The following ANGPTL6 variants were observed in gnomAD, a reference collection of about 807,000 sequenced individuals.
ANGPTL6 encodes the protein angiopoietin like 6.
In ANGPTL6, 45 loss-of-function variants were observed where a neutral mutation model predicts 47.4. That is an observed-to-expected ratio of 0.95 (90% CI 0.75 to 1.22). ANGPTL6 has a LOEUF of 1.22. ANGPTL6 is among the 50% of genes most tolerant of loss of function. The pLI is 0.00. For missense variants in ANGPTL6, 698 were observed against 669.4 expected, an observed-to-expected ratio of 1.04 and a Z score of -0.47; for synonymous variants, 290 against 295.9, an observed-to-expected ratio of 0.98 and a Z score of 0.20.
At chr19:10,096,704 C>G in intron 1 of ANGPTL6, 131 bp from the exon 2 acceptor site, 1 of 681,546 alleles carries the variant, frequency 1.5e-6, no homozygotes. Flanking sequence ...CCATCTCATT[C>G]CCCCCACGGC....
rs76783850 is a variant in ANGPTL6 at position 10,093,467 on chromosome 19, G to A, written c.1104C>T (p.Pro368=). ...RAHYDGFSLE[P]ESDHYRLRLG... ...GCCGCAGGCGGTAGTGGTCGCTCTC[G>A]GGTTCCAGGGAGAAGCCATCATAGT... Residue 368 remains proline, a synonymous_variant, in exon 5 of 6, where the codon CCC becomes CCT. Coordinates refer to ENST00000253109, the MANE Select transcript of ANGPTL6 (RefSeq NM_031917.3). 9.0e-3 allele frequency: 14,513 copies of A among 1,614,224 alleles called. 91 individuals carry two copies. The highest frequency in any genetic ancestry group is 0.011 in the Non-Finnish European group (13,039 of 1,180,044).
chr19:10,092,797 G>C lies in ANGPTL6; in HGVS notation c.1223-18C>G. On this transcript the variant is annotated intron_variant, in intron 5 of 5. Transcript: ENST00000253109. ...ACAGTTACCTGAGGGGAGAGAGAGAGTCCATGTCCTCTCACCAGAATAAAA... is the reference window on the plus strand; with the variant it reads ...ACAGTTACCTGAGGGGAGAGAGAGACTCCATGTCCTCTCACCAGAATAAAA... 6.4e-7 allele frequency: 1 copy of C among 1,572,000 alleles called. No homozygotes were observed. The highest frequency in any genetic ancestry group is 8.7e-7 in the Non-Finnish European group (1 of 1,152,606).
chr19:10,101,030 G>A lies in ANGPTL6; in HGVS notation c.-11+1538C>T, dbSNP rs550693396. On this transcript the variant is annotated intron_variant, in intron 1 of 5. Transcript: ENST00000253109. ...TTGAGACCAGCTTGGCTAACGTGGC[G>A]AAACCCTGTCTCTACTGAAAATACA... Among the ~76,000 whole-genome samples the A allele has an allele frequency of 5.9e-5, 9 of 152,120 alleles. 1 individual carries two copies. In the South Asian group the frequency reaches 1.9e-3, roughly 32 times the overall value.
At chr19:10,098,840 C>G (rs1017325247) in intron 1 of ANGPTL6, among the ~76,000 whole-genome samples, 3 of 151,664 alleles carry the variant, frequency 2.0e-5, no homozygotes, top group Non-Finnish European at 2.9e-5. Context: ...AAAAAAATAG[C>G]AAAGGGAGCA....
chr19:10,098,306 C>T (rs564516886), intron 1 of ANGPTL6, among the ~76,000 whole-genome samples: 1 of 152,094 alleles, frequency 6.6e-6, no homozygotes, highest in African/African-American at 2.4e-5. Flanking sequence ...GAGCTATGAT[C>T]GCAGCATTGC....
chr19:10,095,998 G>A lies in ANGPTL6; in HGVS notation c.566C>T (p.Ala189Val), dbSNP rs745694775. 5 of 1,342,102 alleles carry A rather than the reference G, an allele frequency of 3.7e-6. No homozygotes were observed. In the South Asian group the frequency reaches 8.0e-5, roughly 22 times the overall value. The allele number at this position is 1,342,102 out of a possible 1,614,324, so 83.1% of individuals were successfully genotyped here. Residue 189 changes from alanine (A) to valine (V), a missense_variant, in exon 2 of 6, where the codon GCG becomes GTG. By Grantham distance (64) the Ala-to-Val change is moderately conservative (BLOSUM62 0). Coordinates refer to ENST00000253109, the MANE Select transcript of ANGPTL6 (RefSeq NM_031917.3). ...CGAGGTTACCTGCTGCTGCCCGCCC[G>A]CGCCTCCCGGGCACAGGCGCTCCAG... ...ARLERLCPGG[A>V]GGQQQVLPPP...
At position 10,096,614 on chromosome 19, in the gene ANGPTL6, G is replaced by A. The variant is rs531203056; in HGVS notation, c.-10-41C>T. 5.0e-6 allele frequency: 7 copies of A among 1,401,536 alleles called. No homozygotes were observed. In the Admixed American group the frequency reaches 8.7e-5, roughly 17 times the overall value. The allele number at this position is 1,401,536 out of a possible 1,614,324, so 86.8% of individuals were successfully genotyped here. A position where few individuals can be genotyped will look rare whatever the true frequency, so the allele number is the denominator to read the frequency against. ...GAACGGAAGGAAGACGGGGTGCTGG[G>A]GCCCAGCGAGACCCCTCCGCTTCCA... On this transcript the variant is annotated intron_variant, in intron 1 of 5. Coordinates refer to ENST00000253109, the MANE Select transcript of ANGPTL6 (RefSeq NM_031917.3).
rs189443545 is a variant in ANGPTL6 at position 10,093,220 on chromosome 19, G to A, written c.1222+129C>T. On this transcript the variant is annotated intron_variant, in intron 5 of 5. Transcript: ENST00000253109. ...AAGTCCTGACCTTTGTTCTCTTGAC[G>A]GAATAAAAGCTTGCTTATCCTTATA... is the stretch of plus-strand genomic sequence containing the variant. 8.3e-4 allele frequency: 1,052 copies of A among 1,262,914 alleles called. 2 individuals are homozygous for A. The highest frequency in any genetic ancestry group is 1.1e-3 in the Non-Finnish European group (1,013 of 910,880). 78.2% of individuals were successfully genotyped at this position (1,262,914 alleles called of 1,614,324 possible). A position where few individuals can be genotyped will look rare whatever the true frequency, so the allele number is the denominator to read the frequency against.
In ANGPTL6 at chr19:10,092,613, C is replaced by T; in HGVS notation, c.1389G>A (p.Met463Ile). The T allele has an allele frequency of 6.2e-7, 1 of 1,610,082 alleles. No homozygotes were observed. The highest frequency in any genetic ancestry group is 1.7e-5 in the Admixed American group (1 of 59,852). ...GGAYSLRKAA[M>I]LIRPLKL ...GTCACAGCTTCAGGGGCCGAATGAG[C>T]ATGGCGGCCTTCCTGAGAGAATATG... is the stretch of plus-strand genomic sequence containing the variant. Residue 463 changes from methionine to isoleucine, a missense_variant, in exon 6 of 6, where the codon ATG (methionine) becomes ATA (isoleucine). Met to Ile is a conservative substitution (Grantham distance 10, BLOSUM62 1). Transcript: ENST00000253109.
chr19:10,102,467 A>C (rs561002744), intron 1 of ANGPTL6, 101 bp downstream of exon 1: 1 of 761,788 alleles, frequency 1.3e-6, no homozygotes, highest in East Asian at 1.3e-4. Flanking sequence ...TTACACTCTC[A>C]GCCTGGGGTG....
intron 1 of ANGPTL6, among the ~76,000 whole-genome samples, chr19:10,098,130 C>T (rs541631143): frequency 6.6e-6 from 1 of 152,176 alleles, no homozygotes; most frequent in East Asian, 2.0e-4. Flanking sequence ...TCAAGTGATC[C>T]ACCTCTGCCT....
Position 10,096,052 on chromosome 19 carries a change from ACGAGCTGCGC to A in ANGPTL6, c.502_511del (p.Ala168SerfsTer112). On this transcript the variant is annotated frameshift_variant, in exon 2 of 6. Transcript: ENST00000253109. LOFTEE classifies it high-confidence loss of function. Reference sequence around the variant, plus strand: ...GGCGATGAGACTGCTCTGCTGGGTGACGAGCTGCGCCAGCTCGCGGAACTTGACGTCCAGC... The same window carrying A: ...GGCGATGAGACTGCTCTGCTGGGTGACAGCTCGCGGAACTTGACGTCCAGC... 6.8e-7 allele frequency: 1 copy of A among 1,463,924 alleles called. No homozygotes were observed. Among genetic ancestry groups the A allele is most frequent in the South Asian group, 1.3e-5 (1 of 75,380 alleles). 90.7% of individuals were successfully genotyped at this position (1,463,924 alleles called of 1,614,324 possible).
At chr19:10,102,394 C>A (rs1001632745) in intron 1 of ANGPTL6, among the ~76,000 whole-genome samples, 174 bp downstream of exon 1, 1 of 151,236 alleles carries the variant, frequency 6.6e-6, no homozygotes, top group Non-Finnish European at 1.5e-5. Flanking sequence ...CATGCCCCAC[C>A]CCCCACAACA....
At position 10,093,380 on chromosome 19, in the gene ANGPTL6, G is replaced by A. The variant is rs778371128; in HGVS notation, c.1191C>T (p.Ser397=). 2 of 1,614,128 alleles carry A rather than the reference G, an allele frequency of 1.2e-6. No individual in the cohort carries two copies. The highest frequency in any genetic ancestry group is 2.2e-5 in the South Asian group (2 of 91,076). ...AGGAGTCTCGGTCCCTATCCACGGTGCTGAAGGGCTTGTCATTGTGCCAGG... is the reference window on the plus strand; with the variant it reads ...AGGAGTCTCGGTCCCTATCCACGGTACTGAAGGGCTTGTCATTGTGCCAGG... ...SLSWHNDKPF[S]TVDRDRDSYS... Residue 397 remains serine (S), a synonymous_variant, in exon 5 of 6, where the codon AGC becomes AGT. Coordinates refer to ENST00000253109, the MANE Select transcript of ANGPTL6 (RefSeq NM_031917.3).
At position 10,096,006 on chromosome 19, in the gene ANGPTL6, C is replaced by G. The variant is rs538433080; in HGVS notation, c.558G>C (p.Pro186=). 20 of 1,352,074 alleles carry G rather than the reference C, an allele frequency of 1.5e-5. No individual in the cohort carries two copies. The African/African-American group carries it at 2.0e-4, about 13-fold the overall frequency. The allele number at this position is 1,352,074 out of a possible 1,614,324, so 83.8% of individuals were successfully genotyped here. The change falls in exon 2 of 6, where the codon CCG becomes CCC. Residue 186 remains proline, a synonymous_variant. Coordinates refer to ENST00000253109, the MANE Select transcript of ANGPTL6 (RefSeq NM_031917.3). The part of the protein sequence containing the change: ...SLIARLERLC[P]GGAGGQQQVL... Reference sequence around the variant, plus strand: ...CCTGCTGCTGCCCGCCCGCGCCTCCCGGGCACAGGCGCTCCAGGCGGGCGA... The same window carrying G: ...CCTGCTGCTGCCCGCCCGCGCCTCCGGGGCACAGGCGCTCCAGGCGGGCGA...
chr19:10,100,390 C>T (rs1057233233), intron 1 of ANGPTL6, among the ~76,000 whole-genome samples: 59 of 152,176 alleles, frequency 3.9e-4, no homozygotes, highest in African/African-American at 1.4e-3. Context: ...ACTACAGGTG[C>T]GCACCACCAT....
intron 1 of ANGPTL6, among the ~76,000 whole-genome samples, chr19:10,099,576 CAAAAAAAAAAA>C (rs34627650): frequency 1.9e-5 from 1 of 53,282 alleles, no homozygotes; most frequent in South Asian, 8.2e-4. Context: ...GACTCCATCT[CAAAAAAAAAAA>C]AAAAAAAAAA....
intron 1 of ANGPTL6, among the ~76,000 whole-genome samples, chr19:10,099,819 C>G (rs1341074369): frequency 2.0e-5 from 3 of 148,004 alleles, no homozygotes. Flanking sequence ...CTCTCTCTCT[C>G]TGTCTCTCCC....
chr19:10,092,557 C>T lies in ANGPTL6; in HGVS notation c.*32G>A. 2 of 1,576,010 alleles carry T rather than the reference C, an allele frequency of 1.3e-6. No homozygotes were observed. The highest frequency in any genetic ancestry group is 8.6e-7 in the Non-Finnish European group (1 of 1,157,014). The stretch of plus-strand genomic sequence containing the variant: ...ACTTGGGCTCCTGCTGACCAATGTC[C>T]TCTAGGGCCTAGGGGACAGAGGAAC... On this transcript the variant is annotated 3_prime_UTR_variant, in exon 6 of 6. Transcript: ENST00000253109.
Sources: allele counts gnomAD v4.1 joint callset (sites outside exome capture counted in the v4.1 genomes callset), GRCh38; gene constraint gnomAD v4.1.1; transcripts MANE v1.5; gene names NCBI Gene and HGNC (gene_info 2026-07-23, HGNC 2026-07-21).